The following LGR6 variants were observed in gnomAD, a reference collection of about 807,000 sequenced individuals.
LGR6 encodes leucine-rich repeat-containing G protein-coupled receptor 6.
LGR6 carries 45 observed loss-of-function variants against 69.4 expected under a neutral mutation model. The observed-to-expected ratio is 0.65, with a 90% CI of 0.51 to 0.83. LGR6 has a LOEUF of 0.83. Among genes scored for constraint, LGR6 ranks in the 40% least tolerant of loss-of-function variants. The pLI, the probability that LGR6 is intolerant of heterozygous loss-of-function variation, is 0.00. For synonymous variants in LGR6, 538 were observed against 555.0 expected (o/e 0.97, Z 0.43); for missense variants, 1,108 against 1,246.7 (o/e 0.89, Z 1.68).
intron 3 of LGR6, among the ~76,000 whole-genome samples, chr1:202,233,753 C>A (rs552016349): frequency 6.6e-6 from 1 of 152,248 alleles, no homozygotes; most frequent in Non-Finnish European, 1.5e-5. Flanking sequence ...AGTGAATGTG[C>A]TATTGAACTT....
At chr1:202,242,717 C>G (rs576043678) in intron 4 of LGR6, among the ~76,000 whole-genome samples, 1 of 152,222 alleles carries the variant, frequency 6.6e-6, no homozygotes, top group South Asian at 2.1e-4. Flanking sequence ...AATGGCTGAA[C>G]CATTTTGTCC....
In LGR6 at chr1:202,309,099, G is replaced by T; in HGVS notation, c.1329G>T (p.Gly443=). 6.2e-7 allele frequency: 1 copy of T among 1,614,132 alleles called. No individual in the cohort carries two copies. ...QLTTLPLAGL[G]GLMHLKLKGN... ...CCACACTGCCCCTGGCTGGACTTGG[G>T]GGCTTGATGCATCTGAAGCTCAAAG... The change falls in exon 15 of 18, where the codon GGG becomes GGT. Residue 443 remains glycine (G), a synonymous_variant. Coordinates refer to ENST00000367278, the MANE Select transcript of LGR6 (RefSeq NM_001017403.2).
At position 202,305,681 on chromosome 1, in the gene LGR6, C is replaced by A. The variant is rs949520296; in HGVS notation, c.1071-3C>A. 3 of 1,613,586 alleles carry A rather than the reference C, an allele frequency of 1.9e-6. No individual in the cohort carries two copies. In the African/African-American group the frequency reaches 4.0e-5, roughly 22 times the overall value. On this transcript the variant is annotated splice_region_variant and splice_polypyrimidine_tract_variant and intron_variant, in intron 11 of 17. Transcript: ENST00000367278. ...CCAGCCCTGGCCTTTCTCTTTTCCC[C>A]AGGGAACTGTCTCACAATCAAATTG...
chr1:202,299,911 C>T (rs1667454209), intron 7 of LGR6, among the ~76,000 whole-genome samples: 2 of 152,218 alleles, frequency 1.3e-5, no homozygotes, highest in South Asian at 4.1e-4. Flanking sequence ...TTTTTCCCAA[C>T]TAACCAAACA....
At chr1:202,282,548 G>C (rs1167765823) in intron 6 of LGR6, among the ~76,000 whole-genome samples, 1 of 152,204 alleles carries the variant, frequency 6.6e-6, no homozygotes, top group Admixed American at 6.5e-5. Context: ...TCCCTCAGGA[G>C]ATATAAGAGC....
chr1:202,260,240 T>A (rs945690778), intron 4 of LGR6, among the ~76,000 whole-genome samples: 1 of 151,964 alleles, frequency 6.6e-6, no homozygotes, highest in Non-Finnish European at 1.5e-5. Flanking sequence ...GGTTTTGTCA[T>A]GTTGGCCAGA....
chr1:202,227,808 G>A (rs1363836576), intron 2 of LGR6, 128 bp from the exon 3 acceptor site: 5 of 680,262 alleles, frequency 7.4e-6, no homozygotes, highest in Admixed American at 2.3e-5. Context: ...TAAACGCATC[G>A]TAGATTTCAA....
intron 1 of LGR6, among the ~76,000 whole-genome samples, chr1:202,213,312 C>T (rs908573428): frequency 6.6e-6 from 1 of 152,136 alleles, no homozygotes; most frequent in East Asian, 1.9e-4. Flanking sequence ...GACTGGTAGT[C>T]TTAGTTACAC....
At chr1:202,300,016 C>T (rs917198479) in intron 7 of LGR6, among the ~76,000 whole-genome samples, 4 of 152,308 alleles carry the variant, frequency 2.6e-5, no homozygotes, top group South Asian at 4.1e-4. Context: ...CGGCCCATTC[C>T]GCACCTTATC....
chr1:202,211,892 G>A (rs1465765680), intron 1 of LGR6, among the ~76,000 whole-genome samples: 2 of 152,132 alleles, frequency 1.3e-5, no homozygotes, highest in Non-Finnish European at 2.9e-5. Flanking sequence ...ACATAGGTAG[G>A]CTGTGCCTGT....
intron 6 of LGR6, among the ~76,000 whole-genome samples, chr1:202,286,171 A>G (rs1666379666): frequency 6.6e-6 from 1 of 152,166 alleles, no homozygotes; most frequent in African/African-American, 2.4e-5. Context: ...ATTCACAGGT[A>G]CCAGGTTTGG....
chr1:202,237,798 T>A (rs1175909001), intron 4 of LGR6, among the ~76,000 whole-genome samples: 4 of 152,216 alleles, frequency 2.6e-5, no homozygotes, highest in Non-Finnish European at 4.4e-5. Context: ...TTTGCAATCC[T>A]GCAAGAAGAG....
chr1:202,222,019 T>G lies in LGR6; in HGVS notation c.213-3404T>G, dbSNP rs142766328. Among the ~76,000 whole-genome samples the G allele has an allele frequency of 1.0e-3, 153 of 152,366 alleles. 3 individuals are homozygous for G. In the East Asian group the frequency reaches 0.029, roughly 28 times the overall value. The stretch of plus-strand genomic sequence containing the variant: ...TGTGTCAGTTCCTTCCCTGTCATTG[T>G]GCAGGCACAGCCTCCCCACAGCAGG... On this transcript the variant is annotated intron_variant, in intron 1 of 17. Transcript: ENST00000367278.
At chr1:202,238,412 CTTTTTTTT>C (rs60376943) in intron 4 of LGR6, among the ~76,000 whole-genome samples, 2 of 83,982 alleles carry the variant, frequency 2.4e-5, no homozygotes, top group African/African-American at 4.5e-5. Context: ...CAGCCTGATC[CTTTTTTTT>C]TTTTTTTTTT....
chr1:202,210,366 A>G lies in LGR6; in HGVS notation c.213-15057A>G, dbSNP rs558488872. Among the ~76,000 whole-genome samples, 136 of 151,502 alleles carry G rather than the reference A, an allele frequency of 9.0e-4. 1 individual carries two copies. Among genetic ancestry groups the G allele is most frequent in the African/African-American group, 2.7e-3 (112 of 41,324 alleles). On this transcript the variant is annotated intron_variant, in intron 1 of 17. Transcript: ENST00000367278. ...AAAAATATTGGTGGAATGAGTAAAGAGATGAATGAGTGAATGAATGAATGA... is the reference window on the plus strand; with the variant it reads ...AAAAATATTGGTGGAATGAGTAAAGGGATGAATGAGTGAATGAATGAATGA...
At chr1:202,208,063 C>T (rs1336013358) in intron 1 of LGR6, among the ~76,000 whole-genome samples, 1 of 152,192 alleles carries the variant, frequency 6.6e-6, no homozygotes, top group Non-Finnish European at 1.5e-5. Context: ...CAATCTCCCA[C>T]CCTCCTGCTG....
chr1:202,301,933 C>T (rs770705708), intron 9 of LGR6, among the ~76,000 whole-genome samples: 14 of 152,142 alleles, frequency 9.2e-5, no homozygotes, highest in Non-Finnish European at 1.8e-4. Flanking sequence ...GCAGAGGACT[C>T]GCTTGAACCC....
intron 1 of LGR6, among the ~76,000 whole-genome samples, chr1:202,198,933 G>C (rs1183988994): frequency 6.6e-6 from 1 of 152,052 alleles, no homozygotes; most frequent in African/African-American, 2.4e-5. Flanking sequence ...CCCTGGCCCA[G>C]TCTTAGTTGC....
In LGR6 at chr1:202,203,933, C is replaced by T. The variant is rs1658927912; in HGVS notation, c.212+9732C>T. The T allele has an allele frequency of 1.5e-5, 19 of 1,226,898 alleles. No individual in the cohort carries two copies. The East Asian group carries it at 3.5e-4, about 22-fold the overall frequency. 76.0% of individuals were successfully genotyped at this position (1,226,898 alleles called of 1,614,324 possible). ...GGGGGTGTTTAGCACAGAGGGGGTG[C>T]GATTTTATTTCCTGTGAAAATACCA... On this transcript the variant is annotated intron_variant, in intron 1 of 17. Coordinates refer to ENST00000367278, the MANE Select transcript of LGR6 (RefSeq NM_001017403.2).
Sources: allele counts gnomAD v4.1 joint callset (sites outside exome capture counted in the v4.1 genomes callset), GRCh38; gene constraint gnomAD v4.1.1; transcripts MANE v1.5; gene names NCBI Gene and HGNC (gene_info 2026-07-23, HGNC 2026-07-21).